Variants in NRXN3 observed in about 807,000 individuals in gnomAD.
NRXN3 encodes the protein neurexin 3.
NRXN3 carries 32 observed loss-of-function variants against 137.6 expected under a neutral mutation model. That is an observed-to-expected ratio of 0.23 (90% CI 0.18 to 0.31). NRXN3 has a LOEUF of 0.31. Among genes scored for constraint, NRXN3 ranks in the 10% least tolerant of loss-of-function variants. The probability of loss-of-function intolerance (pLI) is 1.00; values close to 1 mark genes in which losing one functional copy is unlikely to be tolerated. For synonymous variants in NRXN3, 798 were observed against 784.5 expected, an observed-to-expected ratio of 1.02 and a Z score of -0.29; for missense variants, 1,574 against 2,062.5, an observed-to-expected ratio of 0.76 and a Z score of 4.59.
intron 15 of NRXN3, among the ~76,000 whole-genome samples, chr14:79,386,550 T>C (rs1440723003): frequency 5.9e-5 from 9 of 152,026 alleles, no homozygotes; most frequent in South Asian, 2.1e-4. Context: ...AGATTCAATC[T>C]CATCCCCATC....
chr14:79,207,218 T>G (rs930623108), intron 15 of NRXN3, among the ~76,000 whole-genome samples: 21 of 152,170 alleles, frequency 1.4e-4, no homozygotes, highest in African/African-American at 5.1e-4. Context: ...GTCATTAGCT[T>G]CACCTGGGAT....
intron 10 of NRXN3, among the ~76,000 whole-genome samples, chr14:78,900,596 T>C (rs542801154): frequency 6.6e-6 from 1 of 152,080 alleles, no homozygotes; most frequent in South Asian, 2.1e-4. Flanking sequence ...ATATATGTAA[T>C]GTCATTAAAA....
At chr14:79,806,166 T>C (rs1176712730) in intron 20 of NRXN3, among the ~76,000 whole-genome samples, 1 of 152,190 alleles carries the variant, frequency 6.6e-6, no homozygotes, top group Non-Finnish European at 1.5e-5. Flanking sequence ...TAAATAGAAT[T>C]TTCTAGTTAT....
At chr14:79,357,271 G>C (rs1336324722) in intron 15 of NRXN3, among the ~76,000 whole-genome samples, 1 of 152,084 alleles carries the variant, frequency 6.6e-6, no homozygotes, top group East Asian at 1.9e-4. Flanking sequence ...CCAAGTAAAA[G>C]TAGTGAATTA....
chr14:78,741,725 T>A (rs2098575146), intron 8 of NRXN3, among the ~76,000 whole-genome samples: 1 of 152,194 alleles, frequency 6.6e-6, no homozygotes, highest in Non-Finnish European at 1.5e-5. Context: ...CTGTACGGTA[T>A]TGTTAACCAA....
chr14:78,476,173 A>G (rs2095374411), intron 4 of NRXN3, among the ~76,000 whole-genome samples: 1 of 152,230 alleles, frequency 6.6e-6, no homozygotes, highest in Non-Finnish European at 1.5e-5. Flanking sequence ...ATACAGTGAT[A>G]AGACAAGTTT....
intron 16 of NRXN3, among the ~76,000 whole-genome samples, chr14:79,567,632 C>G (rs2097562648): frequency 6.6e-6 from 1 of 152,040 alleles, no homozygotes; most frequent in South Asian, 2.1e-4. Flanking sequence ...TCTGCTGATT[C>G]CTCCTTCTAC....
At chr14:78,457,268 G>A (rs752358200) in intron 4 of NRXN3, among the ~76,000 whole-genome samples, 1 of 152,058 alleles carries the variant, frequency 6.6e-6, no homozygotes, top group Non-Finnish European at 1.5e-5. Flanking sequence ...CGAACTCCTG[G>A]TGATTTGCCC....
At chr14:79,278,641 G>A (rs1304044609) in intron 15 of NRXN3, among the ~76,000 whole-genome samples, 1 of 152,188 alleles carries the variant, frequency 6.6e-6, no homozygotes. Flanking sequence ...AGGACTACAG[G>A]CGCGGACGAT....
chr14:78,220,533 G>C (rs1052114479), intron 1 of NRXN3, among the ~76,000 whole-genome samples: 2 of 152,162 alleles, frequency 1.3e-5, no homozygotes, highest in African/African-American at 4.8e-5. Flanking sequence ...TGCAGAGGAT[G>C]AGGATAGAAA....
chr14:78,669,695 T>C (rs1340527830), intron 6 of NRXN3, among the ~76,000 whole-genome samples: 1 of 152,122 alleles, frequency 6.6e-6, no homozygotes, highest in Non-Finnish European at 1.5e-5. Flanking sequence ...GGGCGATTCC[T>C]GGAACTGAGG....
At position 78,968,320 on chromosome 14, in the gene NRXN3, G is replaced by T. The variant is rs1200253105; in HGVS notation, c.3116G>T (p.Ser1039Ile). The stretch of plus-strand genomic sequence containing the variant: ...CTCATCAATGATGCTCTTCATCGGA[G>T]CGGACAGATCGAGCGTGGCTGTGAA... ...PDLINDALHR[S>I]GQIERGCEGP... The change falls in exon 14 of 21, where the codon AGC (serine) becomes ATC (isoleucine). Residue 1039 changes from serine to isoleucine, a missense_variant. Physicochemically the swap from Ser to Ile is moderately radical, Grantham distance 142. Around this residue, in one of 5 missense-constraint regions of NRXN3, gnomAD observed 718 missense variants for 887.6 expected, o/e 0.81. Coordinates refer to ENST00000335750, the MANE Select transcript of NRXN3 (RefSeq NM_001330195.2). 6.2e-7 allele frequency: 1 copy of T among 1,613,860 alleles called. No individual in the cohort carries two copies. The highest frequency in any genetic ancestry group is 8.5e-7 in the Non-Finnish European group (1 of 1,179,944).
intron 16 of NRXN3, among the ~76,000 whole-genome samples, chr14:79,550,985 T>C (rs1469335746): frequency 2.0e-5 from 3 of 152,182 alleles, no homozygotes; most frequent in Non-Finnish European, 4.4e-5. Flanking sequence ...GCCAAAGACA[T>C]TGCCTGGGCA....
At chr14:78,967,703 A>T (rs886731564) in intron 13 of NRXN3, among the ~76,000 whole-genome samples, 3 of 152,102 alleles carry the variant, frequency 2.0e-5, no homozygotes, top group Middle Eastern at 3.2e-3. Context: ...TAGGCTTTGG[A>T]ATTTCAGCTG....
chr14:79,761,222 G>T (rs2099037255), intron 19 of NRXN3, among the ~76,000 whole-genome samples: 1 of 151,732 alleles, frequency 6.6e-6, no homozygotes, highest in South Asian at 2.1e-4. Context: ...TCATCCGACG[G>T]CTCCTCTTCC....
intron 15 of NRXN3, among the ~76,000 whole-genome samples, chr14:79,422,820 C>G (rs2095600081): frequency 6.6e-6 from 1 of 151,754 alleles, no homozygotes; most frequent in Non-Finnish European, 1.5e-5. Context: ...CTGCCTCAGC[C>G]TCCCGAGTAG....
At chr14:78,258,245 C>G (rs1479503408) in intron 2 of NRXN3, among the ~76,000 whole-genome samples, 3 of 152,162 alleles carry the variant, frequency 2.0e-5, no homozygotes, top group Non-Finnish European at 2.9e-5. Flanking sequence ...AAAGACAGAG[C>G]TTCAATAATA....
chr14:79,356,624 G>A (rs1034631510), intron 15 of NRXN3, among the ~76,000 whole-genome samples: 3 of 152,158 alleles, frequency 2.0e-5, no homozygotes, highest in Non-Finnish European at 2.9e-5. Context: ...GCAGTTTCTG[G>A]TTGTTGGGTT....
At chr14:79,549,179 C>T (rs2097350207) in intron 16 of NRXN3, among the ~76,000 whole-genome samples, 1 of 152,106 alleles carries the variant, frequency 6.6e-6, no homozygotes, top group African/African-American at 2.4e-5. Flanking sequence ...TGCCTGCTTT[C>T]CAACCAGGGA....
Sources: allele counts gnomAD v4.1 joint callset (sites outside exome capture counted in the v4.1 genomes callset), GRCh38; gene constraint gnomAD v4.1.1; regional missense constraint gnomAD v4.1.1; transcripts MANE v1.5; gene names NCBI Gene and HGNC (gene_info 2026-07-23, HGNC 2026-07-21).